The following XPO5 variants were observed in gnomAD, a reference collection of about 807,000 sequenced individuals.
XPO5 encodes exportin 5.
Under a neutral mutation model 160.6 loss-of-function variants are expected in XPO5, and 46 were observed. That is an observed-to-expected ratio of 0.29 (90% confidence interval 0.23 to 0.37). XPO5 has a LOEUF of 0.37. XPO5 is among the 10% of genes least tolerant of loss of function. The pLI is 1.00. For synonymous variants in XPO5, 537 were observed against 519.3 expected (o/e 1.03, Z -0.46); for missense variants, 1,090 against 1,463.9 (o/e 0.74, Z 4.17).
chr6:43,575,938 G>A lies in XPO5; in HGVS notation c.-74C>T. Reference sequence around the variant, plus strand: ...CGAGGCACGACAGCTCCCTCGGCGAGACCACCCGTTGGTACCGGGCCGCGG... The same window carrying A: ...CGAGGCACGACAGCTCCCTCGGCGAAACCACCCGTTGGTACCGGGCCGCGG... On this transcript the variant is annotated 5_prime_UTR_variant, in exon 1 of 32. Coordinates refer to ENST00000265351, the MANE Select transcript of XPO5 (RefSeq NM_020750.3). 6.8e-7 allele frequency: 1 copy of A among 1,475,316 alleles called. No homozygotes were observed. The highest frequency in any genetic ancestry group is 9.3e-7 in the Non-Finnish European group (1 of 1,071,982). 91.4% of individuals were successfully genotyped at this position (1,475,316 alleles called of 1,614,324 possible).
chr6:43,531,862 A>G (rs747710107), intron 21 of XPO5, among the ~76,000 whole-genome samples: 43 of 152,276 alleles, frequency 2.8e-4, no homozygotes, highest in Non-Finnish European at 5.6e-4. Flanking sequence ...ATTTTTCCAT[A>G]AAGCTCTGGG....
At chr6:43,573,732 A>AGAT in intron 1 of XPO5, 131 bp from the exon 2 acceptor site, 4 of 1,106,342 alleles carry the variant, frequency 3.6e-6, no homozygotes, top group Non-Finnish European at 4.9e-6. Flanking sequence ...TGGGAGGCTG[A>AGAT]GATGGGTGGA....
chr6:43,571,198 C>T (rs547934320), intron 3 of XPO5, among the ~76,000 whole-genome samples: 1 of 152,314 alleles, frequency 6.6e-6, no homozygotes, highest in South Asian at 2.1e-4. Context: ...GTGAGGGTTG[C>T]ATCACCTAAA....
At chr6:43,569,018 C>T (rs947008614) in intron 5 of XPO5, among the ~76,000 whole-genome samples, 1 of 152,196 alleles carries the variant, frequency 6.6e-6, no homozygotes, top group East Asian at 1.9e-4. Context: ...GTTGGCCAGG[C>T]GTGGTGGCTC....
At position 43,561,021 on chromosome 6, in the gene XPO5, C is replaced by T; in HGVS notation, c.1012-14G>A. 6.2e-7 allele frequency: 1 copy of T among 1,601,144 alleles called. No homozygotes were observed. ...AGAATCTGCACCCTGTAGGAGAAGA[C>T]CACTATATTAACGGTGTTGATCGAG... On this transcript the variant is annotated splice_polypyrimidine_tract_variant and intron_variant, in intron 9 of 31. Coordinates refer to ENST00000265351, the MANE Select transcript of XPO5 (RefSeq NM_020750.3).
intron 4 of XPO5, 44 bp downstream of exon 4, chr6:43,570,813 T>C (rs780719182): frequency 6.4e-6 from 10 of 1,560,458 alleles, no homozygotes; most frequent in Non-Finnish European, 8.6e-6. Context: ...CTGAAGTTTG[T>C]TCCAAGGAAA....
At chr6:43,560,452 C>A in intron 10 of XPO5, 149 bp from the exon 11 acceptor site, 1 of 972,060 alleles carries the variant, frequency 1.0e-6, no homozygotes, top group Non-Finnish European at 1.4e-6. Context: ...CAGTAATGAC[C>A]ACCCACTATG....
At chr6:43,575,149 T>C (rs1021999262) in intron 1 of XPO5, among the ~76,000 whole-genome samples, 2 of 152,200 alleles carry the variant, frequency 1.3e-5, no homozygotes, top group South Asian at 2.1e-4. Flanking sequence ...AAGTAAGTGG[T>C]AGAAGTTATC....
At position 43,523,676 on chromosome 6, in the gene XPO5, T is replaced by G. The variant is rs760274802; in HGVS notation, c.*192A>C. The G allele has an allele frequency of 2.2e-6, 2 of 906,252 alleles. No homozygotes were observed. The highest frequency in any genetic ancestry group is 1.7e-5 in the Admixed American group (1 of 58,890). The allele number at this position is 906,252 out of a possible 1,614,324, so 56.1% of individuals were successfully genotyped here. On this transcript the variant is annotated 3_prime_UTR_variant, in exon 32 of 32. Transcript: ENST00000265351. ...CAGAATAGTTTAAGCCCTAACTCCC[T>G]TTCTTGATACTTTAGTATAATTACT...
At chr6:43,527,049 A>G (rs1259233266) in intron 26 of XPO5, 3 of 299,748 alleles carry the variant, frequency 1.0e-5, no homozygotes, top group African/African-American at 6.3e-5. Flanking sequence ...AAACAAAATG[A>G]CACAGTAAAA....
intron 20 of XPO5, among the ~76,000 whole-genome samples, chr6:43,540,066 G>A (rs909655605): frequency 5.3e-5 from 8 of 152,172 alleles, no homozygotes; most frequent in African/African-American, 1.9e-4. Flanking sequence ...AACCAGCCTG[G>A]CCAACATGAT....
intron 20 of XPO5, among the ~76,000 whole-genome samples, chr6:43,535,874 G>A (rs998303918): frequency 9.4e-5 from 14 of 149,254 alleles, no homozygotes; most frequent in African/African-American, 3.2e-4. Flanking sequence ...TGTAATCCCA[G>A]CACTTAGGGA....
chr6:43,561,138 T>G, intron 9 of XPO5, 131 bp from the exon 10 acceptor site: 1 of 742,762 alleles, frequency 1.3e-6, no homozygotes, highest in Non-Finnish European at 2.2e-6. Context: ...GTATTTCCTT[T>G]TGGCTAAAGA....
chr6:43,557,783 TAAAAAAAAAAAAAAA>T (rs59661301), intron 12 of XPO5, among the ~76,000 whole-genome samples: 2 of 87,230 alleles, frequency 2.3e-5, no homozygotes, highest in Admixed American at 2.7e-4. Flanking sequence ...AATAAAGCTG[TAAAAAAAAAAAAAAA>T]AAAAAAAAAA....
chr6:43,531,883 C>T lies in XPO5; in HGVS notation c.2444-308G>A, dbSNP rs79433621. ...CCATAAAGCTCTGGGGATGCTCCCA[C>T]AATTAAGTTATGAAACCCCTTTTTT... On this transcript the variant is annotated intron_variant, in intron 21 of 31. Transcript: ENST00000265351. Among the ~76,000 whole-genome samples the T allele has an allele frequency of 3.9e-5, 6 of 152,222 alleles. No individual in the cohort carries two copies. The East Asian group carries it at 7.7e-4, about 20-fold the overall frequency.
intron 23 of XPO5, chr6:43,529,463 A>G: frequency 6.3e-6 from 2 of 315,714 alleles, no homozygotes; most frequent in Admixed American, 4.7e-5. Flanking sequence ...CTAAGGCAAG[A>G]GAATGGTGTG....
intron 12 of XPO5, 122 bp from the exon 13 acceptor site, chr6:43,556,086 G>A (rs2127739051): frequency 7.5e-7 from 1 of 1,329,670 alleles, no homozygotes; most frequent in Non-Finnish European, 1.0e-6. Context: ...TTGCAGACTT[G>A]TGCTTTGCAT....
intron 31 of XPO5, 90 bp downstream of exon 31, chr6:43,524,381 A>C: frequency 6.8e-7 from 1 of 1,476,040 alleles, no homozygotes; most frequent in African/African-American, 1.4e-5. Flanking sequence ...ATCTCACCAT[A>C]ATGGTCAATA....
At chr6:43,546,377 T>C (rs1176702675) in intron 20 of XPO5, among the ~76,000 whole-genome samples, 194 bp downstream of exon 20, 9 of 152,230 alleles carry the variant, frequency 5.9e-5, no homozygotes, top group Non-Finnish European at 1.3e-4. Flanking sequence ...TGGGTTCACA[T>C]GGAAATTAAG....
Sources: gnomAD v4.1 joint callset for allele counts (sites outside exome capture counted in the v4.1 genomes callset) on GRCh38, gnomAD v4.1.1 for gene constraint, MANE v1.5 for transcripts, NCBI Gene and HGNC (gene_info 2026-07-23, HGNC 2026-07-21) for gene names.